Variants in RELN observed in about 807,000 individuals in gnomAD.
The protein encoded by RELN is reelin.
In RELN, 108 loss-of-function variants were observed where a neutral mutation model predicts 427.6. The observed-to-expected ratio is 0.25, with a 90% CI of 0.22 to 0.30. The LOEUF is 0.30. RELN is among the 10% of genes least tolerant of loss of function. The pLI is 1.00. For synonymous variants in RELN, 1,524 were observed against 1,513.4 expected, an observed-to-expected ratio of 1.01 and a Z score of -0.16; for missense variants, 3,715 against 4,302.8, an observed-to-expected ratio of 0.86 and a Z score of 3.82.
intron 45 of RELN, 73 bp downstream of exon 45, chr7:103,539,005 G>T: frequency 6.5e-7 from 1 of 1,549,500 alleles, no homozygotes; most frequent in Non-Finnish European, 8.9e-7. Flanking sequence ...AGGCAGAGTA[G>T]TCCTATGACA....
intron 1 of RELN, among the ~76,000 whole-genome samples, chr7:103,919,027 A>C (rs955870545): frequency 6.6e-6 from 1 of 151,978 alleles, no homozygotes; most frequent in African/African-American, 2.4e-5. Context: ...GGAAAAAATG[A>C]TATTTGCCTT....
chr7:103,960,422 C>G (rs1419572702), intron 1 of RELN, among the ~76,000 whole-genome samples: 2 of 152,166 alleles, frequency 1.3e-5, no homozygotes, highest in Non-Finnish European at 2.9e-5. Context: ...CTCCCCAACT[C>G]CCTATCTCTG....
chr7:103,588,557 A>G (rs150076646), intron 28 of RELN, among the ~76,000 whole-genome samples: 1 of 152,352 alleles, frequency 6.6e-6, no homozygotes, highest in African/African-American at 2.4e-5. Flanking sequence ...CACAATCAGT[A>G]TGCATTATGT....
intron 4 of RELN, among the ~76,000 whole-genome samples, chr7:103,759,124 G>C (rs1716121875): frequency 6.6e-6 from 1 of 152,028 alleles, no homozygotes; most frequent in South Asian, 2.1e-4. Context: ...ATTGCTTATA[G>C]AACTTCTTTT....
At chr7:103,970,950 G>A (rs551781611) in intron 1 of RELN, among the ~76,000 whole-genome samples, 11 of 152,284 alleles carry the variant, frequency 7.2e-5, no homozygotes, top group Admixed American at 7.2e-4. Flanking sequence ...GAGGTCAGGA[G>A]TTTGAGACCA....
At chr7:103,827,078 A>G (rs1793160964) in intron 3 of RELN, among the ~76,000 whole-genome samples, 1 of 151,450 alleles carries the variant, frequency 6.6e-6, no homozygotes, top group South Asian at 2.1e-4. Flanking sequence ...AGCAGAGATT[A>G]AAAAAAGGAA....
chr7:103,879,427 A>G (rs1422205527), intron 2 of RELN, among the ~76,000 whole-genome samples: 1 of 152,184 alleles, frequency 6.6e-6, no homozygotes, highest in African/African-American at 2.4e-5. Flanking sequence ...CTGATGTTTG[A>G]ATGAAGTGCT....
Position 103,640,676 on chromosome 7 carries a change from T to TA in RELN, c.2003-68dup. 2 of 1,513,382 alleles carry TA rather than the reference T, an allele frequency of 1.3e-6. No individual in the cohort carries two copies. Among genetic ancestry groups the TA allele is most frequent in the Non-Finnish European group, 1.8e-6 (2 of 1,096,848 alleles). The allele number at this position is 1,513,382 out of a possible 1,614,324, so 93.7% of individuals were successfully genotyped here. ...ACACTACCAGTACAATTTTGTGAAGTAATACTCATGAAATATGGCCCCTTG... is the reference window on the plus strand; with the variant it reads ...ACACTACCAGTACAATTTTGTGAAGTAAATACTCATGAAATATGGCCCCTTG... On this transcript the variant is annotated intron_variant, in intron 16 of 64. Coordinates refer to ENST00000428762, the MANE Select transcript of RELN (RefSeq NM_005045.4). The surrounding 1 kb of genome is among the most constrained non-coding windows in gnomAD (Gnocchi z 4.1).
chr7:103,935,249 T>C (rs1240831296), intron 1 of RELN, among the ~76,000 whole-genome samples: 2 of 152,168 alleles, frequency 1.3e-5, no homozygotes, highest in East Asian at 3.9e-4. Flanking sequence ...CAATCCCCAT[T>C]TACTTTTCAG....
At chr7:103,670,607 T>C (rs1833370274) in intron 11 of RELN, among the ~76,000 whole-genome samples, 1 of 152,010 alleles carries the variant, frequency 6.6e-6, no homozygotes, top group East Asian at 1.9e-4. Flanking sequence ...CAGTGAAGAA[T>C]GGGAATTAGC....
At position 103,652,562 on chromosome 7, in the gene RELN, C is replaced by T. The variant is rs2117391310; in HGVS notation, c.1752G>A (p.Gln584=). 1 of 1,612,494 alleles carries T rather than the reference C, an allele frequency of 6.2e-7. No homozygotes were observed. Among genetic ancestry groups the T allele is most frequent in the Non-Finnish European group, 8.5e-7 (1 of 1,178,966 alleles). ...ATAGGGCTTCCTACCTGTTACCAGG[C>T]TGATGCGTTCCACATCCCAGATTGA... ...FSINLGCGTH[Q]PGNSVSLEFS... Residue 584 remains glutamine, a synonymous_variant, in exon 14 of 65, where the codon CAG becomes CAA. Transcript: ENST00000428762.
rs369225933 is a variant in RELN at position 103,489,914 on chromosome 7, G to A, written c.9606-15C>T. 2 of 1,613,998 alleles carry A rather than the reference G, an allele frequency of 1.2e-6. No individual in the cohort carries two copies. Among genetic ancestry groups the A allele is most frequent in the Admixed American group, 1.7e-5 (1 of 60,028 alleles). ...ACTGTGTTGCACTGAAAGAACCACA[G>A]AGAGCAGAAGGGATTCAGTAGGTTG... On this transcript the variant is annotated splice_polypyrimidine_tract_variant and intron_variant, in intron 59 of 64. Coordinates refer to ENST00000428762, the MANE Select transcript of RELN (RefSeq NM_005045.4).
intron 64 of RELN, among the ~76,000 whole-genome samples, chr7:103,473,450 C>T (rs527675738): frequency 1.1e-4 from 16 of 152,278 alleles, no homozygotes; most frequent in African/African-American, 3.6e-4. Context: ...GTCAGTTTTT[C>T]TCAGAATGTT....
chr7:103,637,035 C>T (rs879509991), intron 17 of RELN, among the ~76,000 whole-genome samples: 1 of 152,180 alleles, frequency 6.6e-6, no homozygotes, highest in Non-Finnish European at 1.5e-5. Context: ...TCTCAGTGGA[C>T]TCTCCCAAAT....
intron 20 of RELN, among the ~76,000 whole-genome samples, chr7:103,619,583 A>C (rs564734140): frequency 2.4e-4 from 37 of 152,338 alleles, no homozygotes; most frequent in African/African-American, 8.9e-4. Flanking sequence ...TGTCAAGTTT[A>C]TGTTAATGAG....
intron 20 of RELN, among the ~76,000 whole-genome samples, chr7:103,627,030 G>A (rs1832343343): frequency 6.6e-6 from 1 of 152,032 alleles, no homozygotes; most frequent in Non-Finnish European, 1.5e-5. Flanking sequence ...AATTGTCCAA[G>A]TTTTCCCTGA....
intron 46 of RELN, among the ~76,000 whole-genome samples, chr7:103,525,569 A>G (rs1829805184): frequency 6.6e-6 from 1 of 152,198 alleles, no homozygotes; most frequent in Non-Finnish European, 1.5e-5. Flanking sequence ...TTTAATGACT[A>G]AATTTATCTA....
chr7:103,803,471 G>A (rs1440101269), intron 3 of RELN, among the ~76,000 whole-genome samples: 1 of 151,984 alleles, frequency 6.6e-6, no homozygotes, highest in Non-Finnish European at 1.5e-5. Flanking sequence ...TTCAATAAAA[G>A]ACACCTGGCT....
At chr7:103,765,541 C>A (rs1791407921) in intron 4 of RELN, among the ~76,000 whole-genome samples, 2 of 152,084 alleles carry the variant, frequency 1.3e-5, no homozygotes, top group Non-Finnish European at 2.9e-5. Flanking sequence ...CATGAAACAA[C>A]TGAATTTTCA....
Sources: gnomAD v4.1 joint callset for allele counts (sites outside exome capture counted in the v4.1 genomes callset) on GRCh38, gnomAD v4.1.1 for gene constraint, Gnocchi (gnomAD v3.1) non-coding constraint, MANE v1.5 for transcripts, NCBI Gene and HGNC (gene_info 2026-07-23, HGNC 2026-07-21) for gene names.